The following PDGFD variants were observed in gnomAD, a reference collection of about 807,000 sequenced individuals.
PDGFD encodes platelet-derived growth factor D.
Under a neutral mutation model 44.7 loss-of-function variants are expected in PDGFD, and 30 were observed. That is an observed-to-expected ratio of 0.67 (90% CI 0.50 to 0.91). The LOEUF (loss-of-function observed/expected upper bound fraction) is 0.91, where lower values mean the gene tolerates loss of function less well. Ranked by LOEUF, PDGFD falls within the 40% of genes least tolerant of loss-of-function variation. PDGFD has a pLI of 0.00. For missense variants in PDGFD, 445 were observed against 457.8 expected (o/e 0.97, Z 0.25); for synonymous variants, 173 against 168.4 (o/e 1.03, Z -0.21).
chr11:104,019,875 G>A (rs957632406), intron 1 of PDGFD, among the ~76,000 whole-genome samples: 4 of 151,820 alleles, frequency 2.6e-5, no homozygotes, highest in African/African-American at 9.7e-5. Context: ...GTGTGTCTTC[G>A]GGAAAAAAAT....
chr11:104,159,469 T>C (rs1207386161), intron 1 of PDGFD, among the ~76,000 whole-genome samples: 2 of 152,162 alleles, frequency 1.3e-5, no homozygotes, highest in African/African-American at 4.8e-5. Context: ...GACTTCAACA[T>C]AGAAAGTTCA....
chr11:103,912,543 C>T (rs1858045072), intron 6 of PDGFD, among the ~76,000 whole-genome samples: 1 of 152,144 alleles, frequency 6.6e-6, no homozygotes. Flanking sequence ...TTGTAAAGAC[C>T]ATTGATGCTA....
chr11:104,149,444 A>C (rs1862210745), intron 1 of PDGFD, among the ~76,000 whole-genome samples: 1 of 152,210 alleles, frequency 6.6e-6, no homozygotes, highest in Non-Finnish European at 1.5e-5. Flanking sequence ...AAAACAAGTG[A>C]GATAATTATA....
At chr11:103,911,144 G>C (rs573560170) in intron 6 of PDGFD, among the ~76,000 whole-genome samples, 2 of 152,322 alleles carry the variant, frequency 1.3e-5, no homozygotes, top group South Asian at 4.1e-4. Flanking sequence ...GGAAGGGGTG[G>C]CTGTGGGTGC....
chr11:104,121,517 A>T (rs550994679), intron 1 of PDGFD, among the ~76,000 whole-genome samples: 42 of 152,212 alleles, frequency 2.8e-4, no homozygotes, highest in Admixed American at 1.4e-3. Flanking sequence ...AACGTACTAT[A>T]GTCCAACAAT....
chr11:104,079,677 G>C (rs780782469), intron 1 of PDGFD, among the ~76,000 whole-genome samples: 3 of 152,114 alleles, frequency 2.0e-5, no homozygotes, highest in African/African-American at 7.2e-5. Flanking sequence ...GTGAGCCACC[G>C]CGCCTGGCCA....
intron 1 of PDGFD, among the ~76,000 whole-genome samples, chr11:104,004,899 G>C (rs1303258377): frequency 5.2e-5 from 2 of 38,548 alleles, no homozygotes; most frequent in South Asian, 7.4e-4. Flanking sequence ...TTTTTTTTGA[G>C]ACAGTGTCTC....
chr11:104,033,439 T>G (rs976753585), intron 1 of PDGFD, among the ~76,000 whole-genome samples: 12 of 152,072 alleles, frequency 7.9e-5, no homozygotes, highest in Admixed American at 1.3e-4. Flanking sequence ...CAGTAAAAGG[T>G]AAAATGCTGA....
intron 1 of PDGFD, among the ~76,000 whole-genome samples, chr11:104,002,870 C>T (rs1411422378): frequency 6.6e-6 from 1 of 152,136 alleles, no homozygotes; most frequent in East Asian, 1.9e-4. Context: ...AAGCAGCCAT[C>T]ATTTGCCATG....
intron 5 of PDGFD, among the ~76,000 whole-genome samples, chr11:103,929,966 C>T (rs1428984070): frequency 1.3e-5 from 2 of 152,076 alleles, no homozygotes; most frequent in Admixed American, 1.3e-4. Context: ...CATCAGTCTC[C>T]ATAGCTGAAC....
intron 3 of PDGFD, among the ~76,000 whole-genome samples, chr11:103,972,136 C>T (rs1175832996): frequency 1.3e-5 from 2 of 152,118 alleles, no homozygotes; most frequent in Non-Finnish European, 2.9e-5. Flanking sequence ...GTGTACAAAT[C>T]GCTTAGAGGA....
chr11:104,163,355 A>AAAAT lies in PDGFD; in HGVS notation c.124+445_124+448dup, dbSNP rs1461743660. ...CGCACGATTTCTCCTCTCACTCGTA[A>AAAAT]AAATAAATAAATAAATAAATAAAAT... On this transcript the variant is annotated intron_variant, in intron 1 of 6. Transcript: ENST00000393158. Among the ~76,000 whole-genome samples, 162 of 152,230 alleles carry AAAAT rather than the reference A, an allele frequency of 1.1e-3. 1 individual carries two copies. The highest frequency in any genetic ancestry group is 3.2e-3 in the African/African-American group (134 of 41,536).
At chr11:104,132,368 T>C (rs887964951) in intron 1 of PDGFD, among the ~76,000 whole-genome samples, 3 of 152,096 alleles carry the variant, frequency 2.0e-5, no homozygotes, top group African/African-American at 7.2e-5. Context: ...ATTTTTTCTT[T>C]TTTTTCTGCT....
At chr11:104,142,424 T>C (rs996897456) in intron 1 of PDGFD, among the ~76,000 whole-genome samples, 1 of 152,150 alleles carries the variant, frequency 6.6e-6, no homozygotes, top group African/African-American at 2.4e-5. Context: ...TTAACATATA[T>C]ATGTACAGGA....
At chr11:103,971,699 A>C (rs1436472121) in intron 3 of PDGFD, among the ~76,000 whole-genome samples, 1 of 152,216 alleles carries the variant, frequency 6.6e-6, no homozygotes, top group African/African-American at 2.4e-5. Context: ...CTAGGACATT[A>C]TGTTGTTTAT....
chr11:104,086,797 G>A (rs1861136251), intron 1 of PDGFD, among the ~76,000 whole-genome samples: 2 of 152,198 alleles, frequency 1.3e-5, no homozygotes, highest in Non-Finnish European at 2.9e-5. Context: ...AAACTCTGAT[G>A]TAAATAGAGA....
intron 1 of PDGFD, among the ~76,000 whole-genome samples, chr11:104,019,852 C>T (rs1859923140): frequency 6.6e-6 from 1 of 152,102 alleles, no homozygotes; most frequent in South Asian, 2.1e-4. Flanking sequence ...GTGTTCCCTA[C>T]TACTTTCTAG....
chr11:104,121,314 G>C (rs1733276739), intron 1 of PDGFD, among the ~76,000 whole-genome samples: 1 of 150,778 alleles, frequency 6.6e-6, no homozygotes, highest in African/African-American at 2.4e-5. Flanking sequence ...TTTAATTCGT[G>C]AAGTAATTTT....
At chr11:103,910,562 C>G (rs1179676889) in intron 6 of PDGFD, among the ~76,000 whole-genome samples, 2 of 152,332 alleles carry the variant, frequency 1.3e-5, no homozygotes, top group Admixed American at 6.5e-5. Flanking sequence ...ATGGTGCACT[C>G]TAGTCCAGAT....
Sources: allele counts gnomAD v4.1 joint callset (sites outside exome capture counted in the v4.1 genomes callset), GRCh38; gene constraint gnomAD v4.1.1; transcripts MANE v1.5; gene names NCBI Gene and HGNC (gene_info 2026-07-23, HGNC 2026-07-21).